Variants in SH3BP5 observed in about 807,000 individuals in gnomAD.
SH3BP5 encodes SH3 domain binding protein 5, also known as SH3 domain-binding protein 5.
A neutral mutation model predicts 43.3 loss-of-function variants in SH3BP5; 22 were observed. The ratio of observed to expected loss-of-function variants is 0.51; its 90% CI spans 0.36 to 0.73. The LOEUF (loss-of-function observed/expected upper bound fraction) is 0.73. Ranked by LOEUF, SH3BP5 falls within the 30% of genes least tolerant of loss-of-function variation. The pLI, the probability that SH3BP5 is intolerant of heterozygous loss-of-function variation, is 0.00. For missense variants in SH3BP5, 529 were observed against 586.9 expected (o/e 0.90, Z 1.02); for synonymous variants, 255 against 225.8 (o/e 1.13, Z -1.16).
At chr3:15,268,707 C>T (rs891125426) in intron 4 of SH3BP5, among the ~76,000 whole-genome samples, 2 of 152,134 alleles carry the variant, frequency 1.3e-5, no homozygotes, top group Non-Finnish European at 2.9e-5. Flanking sequence ...CAAGAACTGT[C>T]CCTAGCTGCT....
At chr3:15,277,430 A>C (rs1246696135) in intron 3 of SH3BP5, among the ~76,000 whole-genome samples, 2 of 152,146 alleles carry the variant, frequency 1.3e-5, no homozygotes, top group Admixed American at 6.5e-5. Flanking sequence ...GGAGGGTATA[A>C]GATTTGCAGA....
intron 4 of SH3BP5, among the ~76,000 whole-genome samples, chr3:15,268,052 T>C (rs752541776): frequency 4.6e-5 from 7 of 152,176 alleles, no homozygotes; most frequent in Non-Finnish European, 1.0e-4. Flanking sequence ...ACCCCTTCCA[T>C]TTTTCTCGAG....
At chr3:15,287,706 C>A (rs551895050) in intron 3 of SH3BP5, among the ~76,000 whole-genome samples, 2 of 152,284 alleles carry the variant, frequency 1.3e-5, no homozygotes, top group South Asian at 2.1e-4. Flanking sequence ...AAGTCACAGG[C>A]AAAGACTGGA....
At chr3:15,294,290 AGTGTGT>A (rs10522979) in intron 3 of SH3BP5, among the ~76,000 whole-genome samples, 11,102 of 138,118 alleles carry the variant, frequency 0.08, 460 homozygotes, top group African/African-American at 0.11. Context: ...TGCAAAAGTA[AGTGTGT>A]GTGTGTGTGT....
At chr3:15,286,788 C>T (rs540283585) in intron 3 of SH3BP5, among the ~76,000 whole-genome samples, 1 of 152,308 alleles carries the variant, frequency 6.6e-6, no homozygotes, top group African/African-American at 2.4e-5. Context: ...TCAAGCGATC[C>T]ACCCGCCTCA....
At chr3:15,312,694 C>T (rs771347546) in intron 2 of SH3BP5, among the ~76,000 whole-genome samples, 9 of 152,090 alleles carry the variant, frequency 5.9e-5, no homozygotes, top group East Asian at 1.9e-4. Flanking sequence ...CACCTGTATA[C>T]GTTTGTTAAT....
Position 15,259,580 on chromosome 3 carries a change from G to C in SH3BP5, c.669+181C>G, listed in dbSNP as rs1575276502. The stretch of plus-strand genomic sequence containing the variant: ...AGAAGGTGACTGAATGGCAGTTACA[G>C]AGGTTCAGAGACCACTGAAGACCCA... On this transcript the variant is annotated intron_variant, in intron 6 of 8. Transcript: ENST00000383791. 1.1e-5 allele frequency: 8 copies of C among 717,706 alleles called. No homozygotes were observed. In the East Asian group the frequency reaches 1.8e-4, roughly 16 times the overall value. 44.5% of individuals were successfully genotyped at this position (717,706 alleles called of 1,614,324 possible). A position where few individuals can be genotyped will look rare whatever the true frequency, so the allele number is the denominator to read the frequency against.
intron 1 of SH3BP5, among the ~76,000 whole-genome samples, chr3:15,338,600 A>C (rs1481183663): frequency 6.6e-6 from 1 of 152,130 alleles, no homozygotes; most frequent in Non-Finnish European, 1.5e-5. Flanking sequence ...TAGCCTTTAT[A>C]AATTTGAGCC....
chr3:15,303,746 C>A (rs566987439), intron 3 of SH3BP5, among the ~76,000 whole-genome samples: 2 of 152,000 alleles, frequency 1.3e-5, no homozygotes, highest in Admixed American at 6.5e-5. Flanking sequence ...AAGCAGAAGG[C>A]TAAACACTCC....
rs115738660 is a variant in SH3BP5, at chr3:15,332,351, C to T, written c.58G>A (p.Ala20Thr). ...SEEPAEILPP[A>T]RDEEEEEEEG... is the part of the protein sequence containing the mutation. The stretch of plus-strand genomic sequence containing the variant: ...TCCTCCTCCTCCTCCTCGTCCCGGG[C>T]AGGCGGCAGGATTTCGGCTGGCTCC... Residue 20 changes from alanine (A) to threonine (T), a missense_variant, in exon 1 of 9, where the codon GCC (alanine) becomes ACC (threonine). By Grantham distance (58) the Ala-to-Thr change is moderately conservative. Coordinates refer to ENST00000383791, the MANE Select transcript of SH3BP5 (RefSeq NM_004844.5). The T allele has an allele frequency of 0.033, 51,270 of 1,541,906 alleles. 1,078 individuals are homozygous for T. Among genetic ancestry groups the T allele is most frequent in the South Asian group, 0.083 (6,961 of 84,198 alleles).
chr3:15,318,250 G>A (rs912575719), intron 2 of SH3BP5, among the ~76,000 whole-genome samples: 2 of 152,276 alleles, frequency 1.3e-5, no homozygotes, highest in Admixed American at 1.3e-4. Flanking sequence ...CTAAGGGGCT[G>A]GAGGAGGAAA....
chr3:15,334,606 T>G (rs185692062), upstream of SH3BP5, among the ~76,000 whole-genome samples: 1 of 151,796 alleles, frequency 6.6e-6, no homozygotes, highest in Admixed American at 6.6e-5. Context: ...ACTATGTACA[T>G]ATTTGCATTG....
intron 6 of SH3BP5, chr3:15,259,328 ACACCAAAGTCC>A (rs1489742795): frequency 5.4e-6 from 3 of 552,204 alleles, no homozygotes; most frequent in Non-Finnish European, 9.7e-6. Flanking sequence ...GGCATCAGAC[ACACCAAAGTCC>A]CACAGTCTAG....
upstream of SH3BP5, among the ~76,000 whole-genome samples, chr3:15,337,096 T>TTG (rs1698709788): frequency 6.8e-6 from 1 of 148,086 alleles, no homozygotes; most frequent in African/African-American, 2.5e-5. Flanking sequence ...TTTTTTTTTT[T>TTG]TTTTTTTTTT....
intron 3 of SH3BP5, among the ~76,000 whole-genome samples, chr3:15,273,788 G>A (rs967809299): frequency 1.3e-5 from 2 of 152,168 alleles, no homozygotes; most frequent in African/African-American, 4.8e-5. Context: ...GCTAATGAGA[G>A]GTAAATGAAC....
At chr3:15,258,318 CAGTA>C (rs1696298979) in intron 7 of SH3BP5, 1 of 152,554 alleles carries the variant, frequency 6.6e-6, no homozygotes, top group Non-Finnish European at 1.5e-5. Flanking sequence ...GGTCAGATGT[CAGTA>C]AGAGCCACCA....
At chr3:15,287,511 C>G (rs1264292782) in intron 3 of SH3BP5, among the ~76,000 whole-genome samples, 1 of 151,344 alleles carries the variant, frequency 6.6e-6, no homozygotes, top group African/African-American at 2.4e-5. Context: ...GAAATGTTCT[C>G]TATCTGCACC....
intron 3 of SH3BP5, among the ~76,000 whole-genome samples, chr3:15,277,948 G>A (rs1368161836): frequency 2.6e-5 from 4 of 152,172 alleles, no homozygotes; most frequent in Admixed American, 6.5e-5. Context: ...AGCCCAGGGC[G>A]AAGCAGGCTC....
At chr3:15,296,704 T>C (rs1204594447) in intron 3 of SH3BP5, among the ~76,000 whole-genome samples, 3 of 147,488 alleles carry the variant, frequency 2.0e-5, no homozygotes, top group Non-Finnish European at 4.5e-5. Context: ...CTTTTTTTTT[T>C]TTTTTTTGAG....
Sources: allele counts gnomAD v4.1 joint callset (sites outside exome capture counted in the v4.1 genomes callset), GRCh38; gene constraint gnomAD v4.1.1; transcripts MANE v1.5; gene names NCBI Gene and HGNC (gene_info 2026-07-23, HGNC 2026-07-21).